The following NCKAP5 variants were observed in gnomAD, a reference collection of about 807,000 sequenced individuals.
The protein encoded by NCKAP5 is nck-associated protein 5.
Under a neutral mutation model 167.0 loss-of-function variants are expected in NCKAP5, and 92 were observed. The ratio of observed to expected loss-of-function variants is 0.55; its 90% CI spans 0.47 to 0.66. The LOEUF is 0.66. Ranked by LOEUF, NCKAP5 falls within the 30% of genes least tolerant of loss-of-function variation. The pLI, the probability that NCKAP5 is intolerant of heterozygous loss-of-function variation, is 0.00. For missense variants in NCKAP5, 2,378 were observed against 2,315.0 expected (o/e 1.03, Z -0.56); for synonymous variants, 891 against 877.4 (o/e 1.02, Z -0.27).
chr2:133,656,324 C>A, the NCKAP5 span, among the ~76,000 whole-genome samples: 1 of 151,768 alleles, frequency 6.6e-6, no homozygotes, highest in East Asian at 1.9e-4. Context: ...AAAAACACAA[C>A]ATGGTAATGG....
intron 11 of NCKAP5, among the ~76,000 whole-genome samples, chr2:132,829,649 C>T (rs899542938): frequency 6.6e-6 from 1 of 151,984 alleles, no homozygotes; most frequent in African/African-American, 2.4e-5. Flanking sequence ...GGTTCTCAAG[C>T]TGTAGCGTGC....
chr2:133,547,306 C>T (rs1392579422), intron 2 of NCKAP5, among the ~76,000 whole-genome samples: 1 of 152,196 alleles, frequency 6.6e-6, no homozygotes, highest in Non-Finnish European at 1.5e-5. Context: ...GGGGGAGGGG[C>T]ACCCGCCATT....
chr2:133,383,930 T>C (rs528385146), intron 3 of NCKAP5, among the ~76,000 whole-genome samples: 1 of 152,216 alleles, frequency 6.6e-6, no homozygotes, highest in Non-Finnish European at 1.5e-5. Flanking sequence ...CTTGTAAATT[T>C]GAGTTCTTTG....
chr2:133,459,858 A>G (rs1406142898), intron 3 of NCKAP5, among the ~76,000 whole-genome samples: 2 of 152,210 alleles, frequency 1.3e-5, no homozygotes, highest in African/African-American at 4.8e-5. Context: ...CTTTTACATG[A>G]ACTATTACTC....
chr2:132,778,469 T>C lies in NCKAP5; in HGVS notation c.5049+2583A>G, dbSNP rs574252885. On this transcript the variant is annotated intron_variant, in intron 15 of 19. Transcript: ENST00000409261. ...ATGTATGGAAATAATCTATTATTATTATATATTAGAATACTAAAAATGCCT... is the reference window on the plus strand; with the variant it reads ...ATGTATGGAAATAATCTATTATTATCATATATTAGAATACTAAAAATGCCT... Among the ~76,000 whole-genome samples the C allele has an allele frequency of 2.0e-5, 3 of 152,242 alleles. No individual in the cohort carries two copies. The East Asian group carries it at 5.8e-4, about 29-fold the overall frequency.
chr2:132,799,636 A>G (rs1684874625), intron 11 of NCKAP5, among the ~76,000 whole-genome samples: 1 of 152,208 alleles, frequency 6.6e-6, no homozygotes, highest in South Asian at 2.1e-4. Flanking sequence ...GTAACTTCTT[A>G]GATAATAAGG....
chr2:133,260,490 T>C (rs544713386), intron 4 of NCKAP5, among the ~76,000 whole-genome samples: 194 of 152,296 alleles, frequency 1.3e-3, no homozygotes, highest in Non-Finnish European at 2.2e-3. Context: ...TCAAAATTCA[T>C]AGGTGAAACA....
At chr2:133,538,101 C>T (rs1653788) in intron 2 of NCKAP5, among the ~76,000 whole-genome samples, 3 of 152,136 alleles carry the variant, frequency 2.0e-5, no homozygotes, top group Non-Finnish European at 2.9e-5. Context: ...CCAAAACGAA[C>T]AAACCATTGC....
chr2:132,846,429 C>T (rs1224474121), intron 11 of NCKAP5, among the ~76,000 whole-genome samples: 1 of 151,922 alleles, frequency 6.6e-6, no homozygotes, highest in Non-Finnish European at 1.5e-5. Flanking sequence ...CTCAGCTTCC[C>T]GAGTAGCTGG....
At chr2:132,918,416 G>C (rs543632318) in intron 8 of NCKAP5, among the ~76,000 whole-genome samples, 1 of 152,090 alleles carries the variant, frequency 6.6e-6, no homozygotes, top group Non-Finnish European at 1.5e-5. Context: ...TTTCTCTCTT[G>C]CTAGAAAAGA....
chr2:132,866,370 C>T (rs1028298703), intron 10 of NCKAP5, among the ~76,000 whole-genome samples: 2 of 152,104 alleles, frequency 1.3e-5, no homozygotes, highest in Non-Finnish European at 2.9e-5. Flanking sequence ...TGATTTAATT[C>T]GCACTTGTAG....
chr2:132,759,120 T>C (rs2104843703), intron 16 of NCKAP5, among the ~76,000 whole-genome samples: 1 of 151,426 alleles, frequency 6.6e-6, no homozygotes, highest in South Asian at 2.1e-4. Context: ...ACAATTGGCT[T>C]TTTTTTTTCC....
chr2:132,808,202 T>G (rs1335440003), intron 11 of NCKAP5, among the ~76,000 whole-genome samples: 1 of 152,156 alleles, frequency 6.6e-6, no homozygotes, highest in Non-Finnish European at 1.5e-5. Flanking sequence ...TCATCAAGGA[T>G]ATTGGTCTGT....
intron 3 of NCKAP5, among the ~76,000 whole-genome samples, chr2:133,417,107 GC>G (rs950578482): frequency 1.4e-5 from 2 of 141,912 alleles, no homozygotes; most frequent in Non-Finnish European, 3.0e-5. Flanking sequence ...TTTCTTTTTT[GC>G]CCTGGAAAGT....
At chr2:132,816,048 G>C (rs1686243137) in intron 11 of NCKAP5, among the ~76,000 whole-genome samples, 1 of 152,096 alleles carries the variant, frequency 6.6e-6, no homozygotes, top group South Asian at 2.1e-4. Flanking sequence ...ACTAGGGCAA[G>C]CCACTTCATC....
the NCKAP5 span, among the ~76,000 whole-genome samples, chr2:133,626,531 A>C: frequency 3.3e-5 from 4 of 121,472 alleles, no homozygotes; most frequent in Non-Finnish European, 4.5e-5. Context: ...AACAAATTGC[A>C]ATTTATTTAC....
chr2:133,132,283 T>C (rs1179531454), intron 5 of NCKAP5, among the ~76,000 whole-genome samples: 1 of 117,928 alleles, frequency 8.5e-6, no homozygotes, highest in Non-Finnish European at 1.8e-5. Flanking sequence ...CGAGACTCCA[T>C]CTCAAAAAAA....
At position 132,795,820 on chromosome 2, in the gene NCKAP5, G is replaced by GAAAAAAAAAAAAAAAAAAAA. The variant is rs55826486; in HGVS notation, c.909+807_909+808insTTTTTTTTTTTTTTTTTTTT. The stretch of plus-strand genomic sequence containing the variant: ...GGCAACAGGATGAGACCCCGTATCA[G>GAAAAAAAAAAAAAAAAAAAA]AAAAAAAAAAAAAAAAAACAAAAAA... On this transcript the variant is annotated intron_variant, in intron 12 of 19. Transcript: ENST00000409261. Among the ~76,000 whole-genome samples, 7 of 85,014 alleles carry GAAAAAAAAAAAAAAAAAAAA rather than the reference G, an allele frequency of 8.2e-5. 1 individual carries two copies. Among genetic ancestry groups the GAAAAAAAAAAAAAAAAAAAA allele is most frequent in the Non-Finnish European group, 1.5e-4 (6 of 39,104 alleles). 55.8% of individuals were successfully genotyped at this position (85,014 alleles called of 152,430 possible).
chr2:132,839,549 G>T (rs998852828), intron 11 of NCKAP5, among the ~76,000 whole-genome samples: 1 of 150,106 alleles, frequency 6.7e-6, no homozygotes, highest in Non-Finnish European at 1.5e-5. Context: ...TTGCTTAAGC[G>T]CAGGAGTTCA....
Sources: allele counts gnomAD v4.1 joint callset (sites outside exome capture counted in the v4.1 genomes callset), GRCh38; gene constraint gnomAD v4.1.1; transcripts MANE v1.5; gene names NCBI Gene and HGNC (gene_info 2026-07-23, HGNC 2026-07-21).